The following SMR3B variants were observed in gnomAD, a reference collection of about 807,000 sequenced individuals.
SMR3B encodes the protein submaxillary gland androgen-regulated protein 3B.
For missense variants in SMR3B, 114 were observed against 99.9 expected (o/e 1.14, Z -0.60); for synonymous variants, 42 against 36.1 (o/e 1.16, Z -0.59).
At chr4:70,389,625 A>G in intron 2 of SMR3B, 38 bp from the exon 3 acceptor site, 1 of 1,589,392 alleles carries the variant, frequency 6.3e-7, no homozygotes, top group Middle Eastern at 1.7e-4. Flanking sequence ...TAACTGTGAA[A>G]TATCTGATTT....
At chr4:70,385,608 G>A (rs971831737) in intron 2 of SMR3B, among the ~76,000 whole-genome samples, 1 of 151,240 alleles carries the variant, frequency 6.6e-6, no homozygotes, top group African/African-American at 2.4e-5. Context: ...GTTTCACCGT[G>A]TTAGCCAGGA....
At chr4:70,386,237 C>A (rs1349253045) in intron 2 of SMR3B, among the ~76,000 whole-genome samples, 1 of 145,896 alleles carries the variant, frequency 6.9e-6, no homozygotes, top group Non-Finnish European at 1.5e-5. Context: ...TGTGCCACTG[C>A]ACTCCAGCCT....
chr4:70,390,075 C>G lies in SMR3B; in HGVS notation c.*227C>G. On this transcript the variant is annotated 3_prime_UTR_variant, in exon 3 of 3. Coordinates refer to ENST00000304915, the MANE Select transcript of SMR3B (RefSeq NM_006685.4). ...ACTACCCAAAATATGAATTCCAACA[C>G]TGCTTCCAAGAGACATTTACATAAA... The G allele has an allele frequency of 1.1e-6, 1 of 885,864 alleles. No homozygotes were observed. The highest frequency in any genetic ancestry group is 1.9e-6 in the Non-Finnish European group (1 of 533,118). The allele number at this position is 885,864 out of a possible 1,614,324, so 54.9% of individuals were successfully genotyped here.
intron 2 of SMR3B, among the ~76,000 whole-genome samples, chr4:70,385,552 C>G (rs1469187636): frequency 6.6e-6 from 1 of 151,884 alleles, no homozygotes; most frequent in African/African-American, 2.4e-5. Context: ...TACAGGCGCC[C>G]GCCACCACGG....
At position 70,390,041 on chromosome 4, in the gene SMR3B, A is replaced by G. The variant is rs11544176; in HGVS notation, c.*193A>G. 2 of 1,100,328 alleles carry G rather than the reference A, an allele frequency of 1.8e-6. No individual in the cohort carries two copies. Among genetic ancestry groups the G allele is most frequent in the South Asian group, 1.2e-5 (1 of 80,526 alleles). 68.2% of individuals were successfully genotyped at this position (1,100,328 alleles called of 1,614,324 possible). A position where few individuals can be genotyped will look rare whatever the true frequency, so the allele number is the denominator to read the frequency against. ...AAAAGACACCACTACCCTTGTAACT[A>G]CTGCTTCTACTACCCAAAATATGAA... On this transcript the variant is annotated 3_prime_UTR_variant, in exon 3 of 3. Coordinates refer to ENST00000304915, the MANE Select transcript of SMR3B (RefSeq NM_006685.4).
intron 2 of SMR3B, 63 bp from the exon 3 acceptor site, chr4:70,389,600 A>G: frequency 6.6e-7 from 1 of 1,515,630 alleles, no homozygotes; most frequent in Middle Eastern, 1.8e-4. Flanking sequence ...CACAGAAAGC[A>G]TTCACCCTTA....
rs1382570926 is a variant in SMR3B at position 70,383,171 on chromosome 4, A to G, written c.-56A>G. On this transcript the variant is annotated 5_prime_UTR_variant, in exon 1 of 3. Coordinates refer to ENST00000304915, the MANE Select transcript of SMR3B (RefSeq NM_006685.4). ...CTTTCAACTGGCAAGAGTCATTTTG[A>G]CCAGCAGATTAATCAACTGTAAGAC... The G allele has an allele frequency of 1.3e-5, 2 of 152,122 alleles. No homozygotes were observed. The highest frequency in any genetic ancestry group is 6.5e-5 in the Admixed American group (1 of 15,274). 9.4% of individuals were successfully genotyped at this position (152,122 alleles called of 1,614,324 possible).
At chr4:70,385,443 G>A (rs1383034771) in intron 2 of SMR3B, among the ~76,000 whole-genome samples, 2 of 118,712 alleles carry the variant, frequency 1.7e-5, no homozygotes, top group Non-Finnish European at 1.6e-5. Flanking sequence ...TCGCTCTGTC[G>A]CCCAGGCTGG....
intron 2 of SMR3B, among the ~76,000 whole-genome samples, chr4:70,387,491 A>AAC: frequency 1.3e-5 from 2 of 152,170 alleles, no homozygotes; most frequent in Non-Finnish European, 2.9e-5. Flanking sequence ...AATTCCTGCC[A>AAC]TTTAACTGGC....
At chr4:70,387,167 G>A (rs190216367) in intron 2 of SMR3B, among the ~76,000 whole-genome samples, 4 of 152,232 alleles carry the variant, frequency 2.6e-5, no homozygotes, top group African/African-American at 7.2e-5. Context: ...CAAGGGTACC[G>A]GTGGTTGAAA....
Position 70,384,539 on chromosome 4 carries a change from T to G in SMR3B, c.29T>G (p.Leu10Arg), listed in dbSNP as rs764813363. MKSLTWILG[L>R]WALAACFTPG... ...AAATCACTGACTTGGATCTTGGGCC[T>G]TTGGGCTCTTGCAGCGTGTTTCACA... The change falls in exon 2 of 3, where the codon CTT (leucine) becomes CGT (arginine). Residue 10 changes from leucine (L) to arginine (R), a missense_variant. Transcript: ENST00000304915. 1.2e-5 allele frequency: 20 copies of G among 1,610,770 alleles called. No homozygotes were observed. In the South Asian group the frequency reaches 2.0e-4, roughly 16 times the overall value.
rs545546702 is a variant in SMR3B, at chr4:70,384,572, T to C, written c.54+8T>C. The C allele has an allele frequency of 1.8e-3, 2,915 of 1,599,896 alleles. 68 individuals are homozygous for C. The South Asian group carries it at 0.031, about 17-fold the overall frequency. On this transcript the variant is annotated splice_region_variant and intron_variant, in intron 2 of 2. Transcript: ENST00000304915. ...CTTGCAGCGTGTTTCACAGTAAGTA[T>C]CATTAATCACGATCACACTTCTTTA... is the stretch of plus-strand genomic sequence containing the variant.
At chr4:70,388,368 C>A (rs1284925186) in intron 2 of SMR3B, among the ~76,000 whole-genome samples, 4 of 152,118 alleles carry the variant, frequency 2.6e-5, no homozygotes, top group Non-Finnish European at 5.9e-5. Flanking sequence ...CTGCCTCAGC[C>A]TCCCAAAGTG....
chr4:70,388,747 C>G (rs2109762180), intron 2 of SMR3B, among the ~76,000 whole-genome samples: 1 of 152,234 alleles, frequency 6.6e-6, no homozygotes, highest in South Asian at 2.1e-4. Context: ...CTGTTTGTAA[C>G]CCTGGATCCC....
intron 1 of SMR3B, 99 bp from the exon 2 acceptor site, chr4:70,384,398 G>A (rs2109759944): frequency 1.3e-6 from 2 of 1,558,146 alleles, no homozygotes; most frequent in African/African-American, 1.4e-5. Context: ...TGCTATAGTA[G>A]GATATTTGTA....
chr4:70,388,859 T>C (rs1732710467), intron 2 of SMR3B, among the ~76,000 whole-genome samples: 1 of 152,164 alleles, frequency 6.6e-6, no homozygotes, highest in Non-Finnish European at 1.5e-5. Flanking sequence ...ACTCTTGAAT[T>C]AGACATAATA....
At chr4:70,386,097 A>G (rs1179302732) in intron 2 of SMR3B, among the ~76,000 whole-genome samples, 5 of 151,636 alleles carry the variant, frequency 3.3e-5, no homozygotes, top group Non-Finnish European at 5.9e-5. Flanking sequence ...ACATGGTGAA[A>G]CGCTGTCTCT....
At chr4:70,389,346 C>T (rs914750234) in intron 2 of SMR3B, among the ~76,000 whole-genome samples, 3 of 152,102 alleles carry the variant, frequency 2.0e-5, no homozygotes, top group Admixed American at 6.5e-5. Flanking sequence ...CTGCTGCTTA[C>T]GAGCCAGGGG....
intron 2 of SMR3B, among the ~76,000 whole-genome samples, chr4:70,386,999 T>C (rs1732677614): frequency 6.6e-6 from 1 of 152,210 alleles, no homozygotes; most frequent in Non-Finnish European, 1.5e-5. Context: ...TCATTTGTTG[T>C]ATTAGTGATC....
Sources: allele counts gnomAD v4.1 joint callset (sites outside exome capture counted in the v4.1 genomes callset), GRCh38; gene constraint gnomAD v4.1.1; transcripts MANE v1.5; gene names NCBI Gene and HGNC (gene_info 2026-07-23, HGNC 2026-07-21).